MFAP3L: variants seen among roughly 807,000 people sequenced by gnomAD.
MFAP3L encodes microfibrillar-associated protein 3-like.
In MFAP3L, 5 loss-of-function variants were observed where a neutral mutation model predicts 20.0. The ratio of observed to expected loss-of-function variants is 0.25; its 90% CI spans 0.13 to 0.53. MFAP3L has a LOEUF of 0.53. Ranked by LOEUF, MFAP3L falls within the 20% of genes least tolerant of loss-of-function variation. The probability of loss-of-function intolerance (pLI) is 0.96; values close to 1 mark genes in which losing one functional copy is unlikely to be tolerated. For missense variants in MFAP3L, 409 were observed against 527.5 expected (o/e 0.78, Z 2.20); for synonymous variants, 219 against 213.0 (o/e 1.03, Z -0.25).
At chr4:170,016,961 T>C (rs1739737165) in intron 1 of MFAP3L, among the ~76,000 whole-genome samples, 1 of 152,214 alleles carries the variant, frequency 6.6e-6, no homozygotes, top group East Asian at 1.9e-4. Flanking sequence ...ATGTATGCTC[T>C]TGTTATTGTT....
chr4:170,008,679 C>T lies in MFAP3L; in HGVS notation c.-133-2669G>A, dbSNP rs1450351247. Among the ~76,000 whole-genome samples, 5 of 152,324 alleles carry T rather than the reference C, an allele frequency of 3.3e-5. No individual in the cohort carries two copies. The East Asian group carries it at 9.6e-4, about 29-fold the overall frequency. ...GCCCATCCAGCATCCAGGCCCTCTT[C>T]TGCCTTTCCCTTTCTGTGAGTCCCA... is the stretch of plus-strand genomic sequence containing the variant. On this transcript the variant is annotated intron_variant, in intron 1 of 2. Coordinates refer to ENST00000361618, the MANE Select transcript of MFAP3L (RefSeq NM_021647.8).
At chr4:169,997,646 G>A in intron 2 of MFAP3L, 1 of 892,426 alleles carries the variant, frequency 1.1e-6, no homozygotes, top group Non-Finnish European at 1.3e-6. Flanking sequence ...GAATAAAGGG[G>A]AGTCGCTAGT....
At chr4:170,006,608 C>A (rs921034642) in intron 1 of MFAP3L, 3 of 152,204 alleles carry the variant, frequency 2.0e-5, no homozygotes, top group African/African-American at 7.2e-5. Flanking sequence ...CTTACCATGA[C>A]AAGCTCTCTT....
intron 1 of MFAP3L, among the ~76,000 whole-genome samples, chr4:170,018,343 G>A (rs1739825881): frequency 6.6e-6 from 1 of 152,218 alleles, no homozygotes; most frequent in South Asian, 2.1e-4. Context: ...GATCTGCTGT[G>A]CAAGGCTGTC....
chr4:170,026,199 C>T (rs1730392578), intron 1 of MFAP3L, 35 bp downstream of exon 1: 2 of 982,126 alleles, frequency 2.0e-6, no homozygotes, highest in Non-Finnish European at 2.4e-6. Context: ...CCACCCGTGC[C>T]CCTCCGCCCC....
rs1486582904 is a variant in MFAP3L, at chr4:170,010,810, G to GC, written c.-133-4801_-133-4800insG. On this transcript the variant is annotated intron_variant, in intron 1 of 2. Coordinates refer to ENST00000361618, the MANE Select transcript of MFAP3L (RefSeq NM_021647.8). Reference sequence around the variant, plus strand: ...TACACAGATTTCCCACTGCATTGCGGGGGGGTGGGTGCCCCTAACCCATGT... The same window carrying GC: ...TACACAGATTTCCCACTGCATTGCGGCGGGGGTGGGTGCCCCTAACCCATGT... Among the ~76,000 whole-genome samples, 14 of 151,984 alleles carry GC rather than the reference G, an allele frequency of 9.2e-5. No homozygotes were observed. The South Asian group carries it at 1.5e-3, about 16-fold the overall frequency.
chr4:170,008,705 T>C (rs1052531178), intron 1 of MFAP3L, among the ~76,000 whole-genome samples: 3 of 152,198 alleles, frequency 2.0e-5, no homozygotes, highest in Admixed American at 6.5e-5. Flanking sequence ...GTGAGTCCCA[T>C]GGCTCACAGG....
Position 170,024,345 on chromosome 4 carries a change from T to C in MFAP3L, c.-134+1889A>G, listed in dbSNP as rs185241440. Among the ~76,000 whole-genome samples the C allele has an allele frequency of 1.1e-3, 173 of 152,254 alleles. 1 individual carries two copies. The highest frequency in any genetic ancestry group is 4.0e-3 in the African/African-American group (165 of 41,538). Reference sequence around the variant, plus strand: ...CTATTGATCTGTATTAAACCTCACATTCACAAAAAGTAAACTGAGGCCTTG... The same window carrying C: ...CTATTGATCTGTATTAAACCTCACACTCACAAAAAGTAAACTGAGGCCTTG... On this transcript the variant is annotated intron_variant, in intron 1 of 2. Transcript: ENST00000361618.
At chr4:170,003,624 TGAG>T (rs1738836560) in intron 2 of MFAP3L, 1 of 914,966 alleles carries the variant, frequency 1.1e-6, no homozygotes, top group Non-Finnish European at 1.3e-6. Context: ...TCTCTAGGAC[TGAG>T]GAGTTCAGTG....
chr4:170,026,131 C>A, intron 1 of MFAP3L, 103 bp downstream of exon 1: 1 of 673,168 alleles, frequency 1.5e-6, no homozygotes, highest in African/African-American at 2.0e-5. Flanking sequence ...GCCCAAACAC[C>A]CGAAAGTTCG....
At chr4:170,006,443 C>T (rs1349466491) in intron 1 of MFAP3L, among the ~76,000 whole-genome samples, 1 of 152,142 alleles carries the variant, frequency 6.6e-6, no homozygotes, top group Admixed American at 6.5e-5. Context: ...CAAAACACAA[C>T]CATAAGATGT....
intron 2 of MFAP3L, among the ~76,000 whole-genome samples, chr4:169,994,017 G>A (rs1055492362): frequency 2.0e-5 from 3 of 152,222 alleles, no homozygotes; most frequent in African/African-American, 7.2e-5. Context: ...ACAATGACCT[G>A]AGGCCAGGAA....
chr4:170,005,151 A>G (rs775101758), intron 2 of MFAP3L: 1 of 170,976 alleles, frequency 5.8e-6, no homozygotes, highest in Non-Finnish European at 1.2e-5. Flanking sequence ...GGTTTCTTTC[A>G]GAAGTGTGGT....
chr4:170,014,585 T>G (rs1335282209), intron 1 of MFAP3L, among the ~76,000 whole-genome samples: 1 of 152,238 alleles, frequency 6.6e-6, no homozygotes, highest in African/African-American at 2.4e-5. Context: ...CTGCCCTCTC[T>G]GCAGCCCACA....
At chr4:170,009,771 CT>C (rs1409065891) in intron 1 of MFAP3L, among the ~76,000 whole-genome samples, 1 of 152,164 alleles carries the variant, frequency 6.6e-6, no homozygotes, top group African/African-American at 2.4e-5. Context: ...TAATAAAATG[CT>C]TTGTTCAGTC....
intron 2 of MFAP3L, among the ~76,000 whole-genome samples, chr4:170,000,818 G>T (rs1230497591): frequency 6.6e-6 from 1 of 152,074 alleles, no homozygotes; most frequent in Non-Finnish European, 1.5e-5. Context: ...AAACTCCCAG[G>T]CTCATGCAAT....
At position 169,987,950 on chromosome 4, in the gene MFAP3L, G is replaced by A. The variant is rs766490026; in HGVS notation, c.*3428C>T. The A allele has an allele frequency of 6.6e-5, 10 of 152,180 alleles. No individual in the cohort carries two copies. The highest frequency in any genetic ancestry group is 1.5e-4 in the Non-Finnish European group (10 of 68,024). The allele number at this position is 152,180 out of a possible 1,614,324, so 9.4% of individuals were successfully genotyped here. A position where few individuals can be genotyped will look rare whatever the true frequency, so the allele number is the denominator to read the frequency against. On this transcript the variant is annotated 3_prime_UTR_variant, in exon 3 of 3. Coordinates refer to ENST00000361618, the MANE Select transcript of MFAP3L (RefSeq NM_021647.8). Reference sequence around the variant, plus strand: ...GAAACAAACAATAAAAACAGATAAAGGAGGAAAGGGGAATTCCAGAACCCC... The same window carrying A: ...GAAACAAACAATAAAAACAGATAAAAGAGGAAAGGGGAATTCCAGAACCCC...
intron 2 of MFAP3L, among the ~76,000 whole-genome samples, chr4:169,998,021 A>G (rs940056436): frequency 6.6e-6 from 1 of 151,982 alleles, no homozygotes; most frequent in Non-Finnish European, 1.5e-5. Context: ...AAACAACGTA[A>G]TAATAATAAA....
At chr4:170,012,646 A>G (rs1221600679) in intron 1 of MFAP3L, among the ~76,000 whole-genome samples, 1 of 152,232 alleles carries the variant, frequency 6.6e-6, no homozygotes, top group African/African-American at 2.4e-5. Context: ...TCACAAATTA[A>G]GAGCTATACA....
Sources: allele counts gnomAD v4.1 joint callset (sites outside exome capture counted in the v4.1 genomes callset), GRCh38; gene constraint gnomAD v4.1.1; transcripts MANE v1.5; gene names NCBI Gene and HGNC (gene_info 2026-07-23, HGNC 2026-07-21).